FRZB: variants seen among roughly 807,000 people sequenced by gnomAD.
FRZB encodes the protein frizzled related protein.
In FRZB, 34 loss-of-function variants were observed where a neutral mutation model predicts 32.5. That is an observed-to-expected ratio of 1.05 (90% CI 0.80 to 1.39). FRZB has a LOEUF of 1.39. Among genes scored for constraint, FRZB ranks in the 40% most tolerant of loss-of-function variants. The pLI is 0.00. For missense variants in FRZB, 423 were observed against 424.8 expected (o/e 1.00, Z 0.04); for synonymous variants, 170 against 159.2 (o/e 1.07, Z -0.51).
At chr2:182,847,658 A>G (rs1456295712) in intron 2 of FRZB, among the ~76,000 whole-genome samples, 3 of 152,194 alleles carry the variant, frequency 2.0e-5, no homozygotes, top group Non-Finnish European at 4.4e-5. Flanking sequence ...GTTCTTTCCA[A>G]TGGCTTTTAC....
At chr2:182,859,870 C>A (rs551454888) in intron 1 of FRZB, among the ~76,000 whole-genome samples, 67 of 152,294 alleles carry the variant, frequency 4.4e-4, no homozygotes, top group African/African-American at 1.2e-3. Flanking sequence ...ACATTTGGCT[C>A]AACTTGGGCA....
intron 2 of FRZB, among the ~76,000 whole-genome samples, chr2:182,855,839 T>C (rs1429587277): frequency 6.6e-6 from 1 of 151,866 alleles, no homozygotes; most frequent in Non-Finnish European, 1.5e-5. Context: ...TGCCCAGACA[T>C]GTAATAATTA....
At chr2:182,850,632 C>T (rs764494084) in intron 2 of FRZB, among the ~76,000 whole-genome samples, 1 of 152,174 alleles carries the variant, frequency 6.6e-6, no homozygotes, top group South Asian at 2.1e-4. Context: ...ATCCACTAAT[C>T]AGCACTTAGG....
chr2:182,833,344 A>G lies in FRZB; in HGVS notation c.*1505T>C, dbSNP rs1005824160. On this transcript the variant is annotated 3_prime_UTR_variant, in exon 6 of 6. Coordinates refer to ENST00000295113, the MANE Select transcript of FRZB (RefSeq NM_001463.4). ...AAATTTGGTTCTACTAATAGCACAC[A>G]TGTAAATGGCAGAGAATGAAACTTT... The G allele has an allele frequency of 6.6e-6, 1 of 152,194 alleles. No homozygotes were observed. The allele number at this position is 152,194 out of a possible 1,614,324, so 9.4% of individuals were successfully genotyped here.
intron 1 of FRZB, among the ~76,000 whole-genome samples, chr2:182,859,269 G>A (rs938876008): frequency 2.0e-5 from 3 of 151,386 alleles, no homozygotes; most frequent in East Asian, 1.9e-4. Context: ...GTTCCTAAAC[G>A]AACACTCAGA....
At chr2:182,861,024 T>G (rs1695826297) in intron 1 of FRZB, among the ~76,000 whole-genome samples, 1 of 152,154 alleles carries the variant, frequency 6.6e-6, no homozygotes, top group Non-Finnish European at 1.5e-5. Context: ...ACTAGGGACA[T>G]GAGAATCTGG....
chr2:182,841,673 AC>A (rs1235713782), intron 3 of FRZB, among the ~76,000 whole-genome samples: 1 of 152,200 alleles, frequency 6.6e-6, no homozygotes, highest in Non-Finnish European at 1.5e-5. Flanking sequence ...AAATATAATG[AC>A]TGTATAAATG....
intron 2 of FRZB, among the ~76,000 whole-genome samples, chr2:182,856,898 G>A (rs925813745): frequency 6.6e-6 from 1 of 151,718 alleles, no homozygotes; most frequent in African/African-American, 2.4e-5. Flanking sequence ...GTAATCAATA[G>A]ATCTAGTAGA....
In FRZB at chr2:182,861,957, C is replaced by T. The variant is rs114908771; in HGVS notation, c.479-3124G>A. ...CTCTTCCCTAACCCATCCAGAGTGC[C>T]TTTCAGTATTTTACACAATGAAGGA... On this transcript the variant is annotated intron_variant, in intron 1 of 5. Coordinates refer to ENST00000295113, the MANE Select transcript of FRZB (RefSeq NM_001463.4). Among the ~76,000 whole-genome samples, 1,336 of 152,322 alleles carry T rather than the reference C, an allele frequency of 8.8e-3. 14 individuals carry two copies. The highest frequency in any genetic ancestry group is 0.013 in the Non-Finnish European group (903 of 68,030).
intron 2 of FRZB, among the ~76,000 whole-genome samples, chr2:182,842,773 A>G (rs1030015510): frequency 6.6e-6 from 1 of 152,116 alleles, no homozygotes; most frequent in African/African-American, 2.4e-5. Context: ...ATTCTCAACA[A>G]ACCACCCAAA....
chr2:182,862,297 G>T (rs1276025614), intron 1 of FRZB, among the ~76,000 whole-genome samples: 1 of 152,192 alleles, frequency 6.6e-6, no homozygotes, highest in African/African-American at 2.4e-5. Flanking sequence ...TGATTATAAA[G>T]CCCTTGGCAC....
chr2:182,836,704 C>A (rs1379090621), intron 5 of FRZB, among the ~76,000 whole-genome samples: 1 of 151,934 alleles, frequency 6.6e-6, no homozygotes, highest in African/African-American at 2.4e-5. Flanking sequence ...TCTGCATTAG[C>A]AAGCAGAAAA....
Position 182,858,979 on chromosome 2 carries a change from G to T in FRZB, c.479-146C>A, listed in dbSNP as rs1488049609. 1.1e-5 allele frequency: 7 copies of T among 655,412 alleles called. No homozygotes were observed. The Admixed American group carries it at 1.7e-4, about 16-fold the overall frequency. 40.6% of individuals were successfully genotyped at this position (655,412 alleles called of 1,614,324 possible). ...GATTTTTATTAACGTCATGAGGTCGGCATTCTTATCATTCATGGGTTGAGT... is the reference window on the plus strand; with the variant it reads ...GATTTTTATTAACGTCATGAGGTCGTCATTCTTATCATTCATGGGTTGAGT... On this transcript the variant is annotated intron_variant, in intron 1 of 5. Coordinates refer to ENST00000295113, the MANE Select transcript of FRZB (RefSeq NM_001463.4).
intron 2 of FRZB, among the ~76,000 whole-genome samples, chr2:182,848,380 C>T (rs1287414480): frequency 6.6e-6 from 1 of 152,098 alleles, no homozygotes; most frequent in Non-Finnish European, 1.5e-5. Context: ...AGAAGATGGG[C>T]AATATACCAC....
chr2:182,843,400 T>G (rs1241302118), intron 2 of FRZB, among the ~76,000 whole-genome samples: 1 of 152,154 alleles, frequency 6.6e-6, no homozygotes, highest in Non-Finnish European at 1.5e-5. Context: ...CTAAGAAATA[T>G]ACATCATAAG....
rs1212796578 is a variant in FRZB, at chr2:182,833,852, CA to C, written c.*996del. On this transcript the variant is annotated 3_prime_UTR_variant, in exon 6 of 6. Transcript: ENST00000295113. ...ACAGACACACACACAACAGAAAAAA[CA>C]AAAACAAAAAAACCTGCATATTTTA... is the stretch of plus-strand genomic sequence containing the variant. 6.6e-6 allele frequency: 1 copy of C among 151,794 alleles called. No individual in the cohort carries two copies. Among genetic ancestry groups the C allele is most frequent in the Non-Finnish European group, 1.5e-5 (1 of 67,916 alleles). 9.4% of individuals were successfully genotyped at this position (151,794 alleles called of 1,614,324 possible). A position where few individuals can be genotyped will look rare whatever the true frequency, so the allele number is the denominator to read the frequency against.
At chr2:182,865,164 G>A (rs558073776) in intron 1 of FRZB, among the ~76,000 whole-genome samples, 19 of 152,066 alleles carry the variant, frequency 1.2e-4, no homozygotes, top group South Asian at 4.2e-4. Context: ...GTGCACACAC[G>A]GAAAAGGAGC....
chr2:182,850,809 C>T (rs1005584644), intron 2 of FRZB, among the ~76,000 whole-genome samples: 27 of 152,220 alleles, frequency 1.8e-4, no homozygotes, highest in Admixed American at 1.6e-3. Flanking sequence ...CTATTGTTTT[C>T]CTTAGTGGCT....
chr2:182,865,539 G>A (rs924620308), intron 1 of FRZB, among the ~76,000 whole-genome samples: 1 of 152,206 alleles, frequency 6.6e-6, no homozygotes, highest in Non-Finnish European at 1.5e-5. Flanking sequence ...CTGTCGGTTA[G>A]AGTAAGGTTA....
Sources: gnomAD v4.1 joint callset for allele counts (sites outside exome capture counted in the v4.1 genomes callset) on GRCh38, gnomAD v4.1.1 for gene constraint, MANE v1.5 for transcripts, NCBI Gene and HGNC (gene_info 2026-07-23, HGNC 2026-07-21) for gene names.